C1orf21: variants seen among roughly 807,000 people sequenced by gnomAD.
C1orf21 encodes chromosome 1 open reading frame 21.
A neutral mutation model predicts 18.7 loss-of-function variants in C1orf21; 3 were observed. The observed-to-expected ratio is 0.16, with a 90% CI of 0.07 to 0.42. The LOEUF is 0.42. C1orf21 is among the 10% of genes least tolerant of loss of function. The probability of loss-of-function intolerance (pLI) is 0.99; values close to 1 mark genes in which losing one functional copy is unlikely to be tolerated. For missense variants in C1orf21, 104 were observed against 143.6 expected (o/e 0.72, Z 1.41); for synonymous variants, 41 against 46.4 (o/e 0.88, Z 0.47).
In C1orf21 at chr1:184,424,330, T is replaced by C. The variant is rs530116921; in HGVS notation, c.-125+36962T>C. Reference sequence around the variant, plus strand: ...CAATTCATATCTCAGCCCTCATCACTTTACAGATAGGAGCTGAGTCACAAA... The same window carrying C: ...CAATTCATATCTCAGCCCTCATCACCTTACAGATAGGAGCTGAGTCACAAA... On this transcript the variant is annotated intron_variant, in intron 1 of 5. Transcript: ENST00000235307. Among the ~76,000 whole-genome samples, 873 of 152,264 alleles carry C rather than the reference T, an allele frequency of 5.7e-3. 10 individuals carry two copies. The highest frequency in any genetic ancestry group is 0.02 in the African/African-American group (815 of 41,554).
At chr1:184,543,619 T>C (rs1658689380) in intron 3 of C1orf21, among the ~76,000 whole-genome samples, 1 of 152,198 alleles carries the variant, frequency 6.6e-6, no homozygotes, top group South Asian at 2.1e-4. Flanking sequence ...AAGAGGTAGG[T>C]TTATTTTTAT....
At chr1:184,432,154 C>T (rs1246883727) in intron 1 of C1orf21, among the ~76,000 whole-genome samples, 2 of 152,160 alleles carry the variant, frequency 1.3e-5, no homozygotes, top group African/African-American at 4.8e-5. Context: ...CCATTTGACC[C>T]AGCAATCCCA....
chr1:184,411,890 A>C (rs1182778739), intron 1 of C1orf21: 3 of 152,184 alleles, frequency 2.0e-5, no homozygotes, highest in Non-Finnish European at 4.4e-5. Context: ...GGACTACCTA[A>C]AATTATGCAG....
At chr1:184,565,292 T>A (rs981320362) in intron 3 of C1orf21, among the ~76,000 whole-genome samples, 1 of 152,232 alleles carries the variant, frequency 6.6e-6, no homozygotes, top group African/African-American at 2.4e-5. Flanking sequence ...TTCCAGGTAC[T>A]TGCACTATCT....
chr1:184,388,743 A>G (rs935838860), intron 1 of C1orf21, among the ~76,000 whole-genome samples: 1 of 152,000 alleles, frequency 6.6e-6, no homozygotes, highest in African/African-American at 2.4e-5. Context: ...GCTTCTGCCT[A>G]ATAGGAATAA....
intron 3 of C1orf21, chr1:184,568,436 T>G: frequency 2.1e-6 from 1 of 470,716 alleles, no homozygotes; most frequent in Non-Finnish European, 4.4e-6. Flanking sequence ...CTCCATGAAT[T>G]TGACTACTCC....
intron 1 of C1orf21, among the ~76,000 whole-genome samples, chr1:184,439,523 C>T (rs1051979231): frequency 2.0e-5 from 3 of 151,936 alleles, no homozygotes; most frequent in Admixed American, 6.6e-5. Flanking sequence ...TACAAGACAC[C>T]AGAGAAGTCA....
At chr1:184,539,553 TGAGAA>T (rs1658614332) in intron 3 of C1orf21, among the ~76,000 whole-genome samples, 1 of 152,248 alleles carries the variant, frequency 6.6e-6, no homozygotes, top group African/African-American at 2.4e-5. Flanking sequence ...TAGAAAAGTT[TGAGAA>T]GGATTGGTAT....
intron 1 of C1orf21, among the ~76,000 whole-genome samples, chr1:184,469,206 C>T (rs1284933926): frequency 3.3e-5 from 5 of 152,062 alleles, no homozygotes; most frequent in East Asian, 1.9e-4. Context: ...GCCGAGGTCG[C>T]GCCACTGCAC....
intron 1 of C1orf21, among the ~76,000 whole-genome samples, chr1:184,393,381 T>A (rs1423976818): frequency 6.6e-6 from 1 of 152,140 alleles, no homozygotes; most frequent in Non-Finnish European, 1.5e-5. Flanking sequence ...CATCAAGCTT[T>A]TAGATCTTCC....
intron 3 of C1orf21, among the ~76,000 whole-genome samples, chr1:184,529,081 A>G (rs1341401681): frequency 1.3e-5 from 2 of 151,940 alleles, no homozygotes; most frequent in African/African-American, 4.8e-5. Flanking sequence ...TGAGAATTTT[A>G]TTTTTTTTAA....
At chr1:184,413,889 C>T (rs1656405059) in intron 1 of C1orf21, among the ~76,000 whole-genome samples, 2 of 152,096 alleles carry the variant, frequency 1.3e-5, no homozygotes, top group Non-Finnish European at 1.5e-5. Context: ...GGTCACTCTG[C>T]CTTAAATTTG....
chr1:184,565,469 T>C (rs919198666), intron 3 of C1orf21, among the ~76,000 whole-genome samples: 2 of 152,250 alleles, frequency 1.3e-5, no homozygotes, highest in African/African-American at 4.8e-5. Context: ...TTCAGAGCCC[T>C]GGTTCTCTAG....
intron 1 of C1orf21, among the ~76,000 whole-genome samples, chr1:184,475,734 GGTGTGT>G (rs10553261): frequency 0.07 from 9,689 of 137,934 alleles, 367 homozygotes; most frequent in East Asian, 0.096. Context: ...AATGGAATAG[GGTGTGT>G]GTGTGTGTGT....
At chr1:184,511,561 G>C (rs941300142) in intron 3 of C1orf21, among the ~76,000 whole-genome samples, 1 of 152,168 alleles carries the variant, frequency 6.6e-6, no homozygotes, top group African/African-American at 2.4e-5. Flanking sequence ...TTGTTGGTTT[G>C]AATGAACAGA....
At chr1:184,536,774 A>T (rs1465308645) in intron 3 of C1orf21, among the ~76,000 whole-genome samples, 2 of 152,124 alleles carry the variant, frequency 1.3e-5, no homozygotes, top group Non-Finnish European at 2.9e-5. Flanking sequence ...CAGAGGAGGT[A>T]GATGGAAGAA....
chr1:184,449,502 A>G (rs990756865), intron 1 of C1orf21, among the ~76,000 whole-genome samples: 15 of 152,188 alleles, frequency 9.9e-5, no homozygotes, highest in South Asian at 6.2e-4. Context: ...TAGTGCCGCA[A>G]TAAACATATA....
At chr1:184,469,847 A>C (rs534489667) in intron 1 of C1orf21, among the ~76,000 whole-genome samples, 51 of 152,320 alleles carry the variant, frequency 3.3e-4, no homozygotes, top group African/African-American at 1.2e-3. Flanking sequence ...AATGTACATT[A>C]ATCATTGGGA....
In C1orf21 at chr1:184,623,722, A is replaced by G. The variant is rs945108068; in HGVS notation, c.*4166A>G. ...GAGGTCTATGAATTGCCTTTTGCCAATGAATGGATGTATTTTTCCAAGGGG... is the reference window on the plus strand; with the variant it reads ...GAGGTCTATGAATTGCCTTTTGCCAGTGAATGGATGTATTTTTCCAAGGGG... On this transcript the variant is annotated 3_prime_UTR_variant, in exon 6 of 6. Coordinates refer to ENST00000235307, the MANE Select transcript of C1orf21 (RefSeq NM_030806.4). 1 of 152,652 alleles carries G rather than the reference A, an allele frequency of 6.6e-6. No individual in the cohort carries two copies. The highest frequency in any genetic ancestry group is 2.4e-5 in the African/African-American group (1 of 41,460). 9.5% of individuals were successfully genotyped at this position (152,652 alleles called of 1,614,324 possible).
Sources: gnomAD v4.1 joint callset for allele counts (sites outside exome capture counted in the v4.1 genomes callset) on GRCh38, gnomAD v4.1.1 for gene constraint, MANE v1.5 for transcripts, NCBI Gene and HGNC (gene_info 2026-07-23, HGNC 2026-07-21) for gene names.